Variants in KRT85 observed in about 807,000 individuals in gnomAD.
KRT85 encodes keratin 85.
In KRT85, 39 loss-of-function variants were observed where a neutral mutation model predicts 53.7. That is an observed-to-expected ratio of 0.73 (90% CI 0.56 to 0.95). The LOEUF (loss-of-function observed/expected upper bound fraction) is 0.95, where lower values mean the gene tolerates loss of function less well. Ranked by LOEUF, KRT85 falls within the 40% of genes least tolerant of loss-of-function variation. The pLI is 0.00. For synonymous variants in KRT85, 291 were observed against 277.5 expected (o/e 1.05, Z -0.48); for missense variants, 668 against 686.0 (o/e 0.97, Z 0.29).
In KRT85 at chr12:52,360,495, C is replaced by T. The variant is rs1939173019; in HGVS notation, c.*358G>A. On this transcript the variant is annotated 3_prime_UTR_variant, in exon 9 of 9. Transcript: ENST00000257901. ...GCCTGGCTGGATGGTTAGGATGGCG[C>T]CTCCACCCAGAAGGTGGAGCTTCCG... 2 of 298,548 alleles carry T rather than the reference C, an allele frequency of 6.7e-6. No homozygotes were observed. Among genetic ancestry groups the T allele is most frequent in the African/African-American group, 2.2e-5 (1 of 45,582 alleles). The allele number at this position is 298,548 out of a possible 1,614,324, so 18.5% of individuals were successfully genotyped here.
chr12:52,360,623 G>A lies in KRT85; in HGVS notation c.*230C>T, dbSNP rs1939174546. ...GAGCTAAGTAGGAGTTAAGTGAAGGGCTGGGAATGCCTCTGAAAACAGCTG... is the reference window on the plus strand; with the variant it reads ...GAGCTAAGTAGGAGTTAAGTGAAGGACTGGGAATGCCTCTGAAAACAGCTG... On this transcript the variant is annotated 3_prime_UTR_variant, in exon 9 of 9. Coordinates refer to ENST00000257901, the MANE Select transcript of KRT85 (RefSeq NM_002283.4). 9 of 595,530 alleles carry A rather than the reference G, an allele frequency of 1.5e-5. No homozygotes were observed. The allele number at this position is 595,530 out of a possible 1,614,324, so 36.9% of individuals were successfully genotyped here.
In KRT85 at chr12:52,362,878, G is replaced by T. The variant is rs770848779; in HGVS notation, c.1053C>A (p.Ala351=). The T allele has an allele frequency of 1.2e-6, 2 of 1,614,100 alleles. No homozygotes were observed. Among genetic ancestry groups the T allele is most frequent in the Non-Finnish European group, 1.7e-6 (2 of 1,180,024 alleles). Residue 351 remains alanine (A), a synonymous_variant, in exon 6 of 9, where the codon GCC becomes GCA. Coordinates refer to ENST00000257901, the MANE Select transcript of KRT85 (RefSeq NM_002283.4). The part of the protein sequence containing the change: ...ELNRMIQRLT[A]EIENAKCQRA... The stretch of plus-strand genomic sequence containing the variant: ...CCTGGCACTTGGCATTCTCAATCTC[G>T]GCCGTCAGCCTCTGGATCATGCGGT...
In KRT85 at chr12:52,360,990, G is replaced by C. The variant is rs752714720; in HGVS notation, c.1387C>G (p.Pro463Ala). The change falls in exon 9 of 9, where the codon CCA (proline) becomes GCA (alanine). Residue 463 changes from proline (P) to alanine (A), a missense_variant. Coordinates refer to ENST00000257901, the MANE Select transcript of KRT85 (RefSeq NM_002283.4). Reference protein sequence around the residue: ...SCGGLSYSTTPGRQITSGPSA... With the variant: ...SCGGLSYSTTAGRQITSGPSA... ...GGGCCAGAAGTGATCTGGCGCCCTG[G>C]GGTGGTGCTGTAGGAGAGGCCCCCA... 6.2e-7 allele frequency: 1 copy of C among 1,613,532 alleles called. No individual in the cohort carries two copies. Among genetic ancestry groups the C allele is most frequent in the Non-Finnish European group, 8.5e-7 (1 of 1,179,908 alleles).
Position 52,361,458 on chromosome 12 carries a change from G to T in KRT85, c.1330+9C>A. ...CATTTTTCCAGGAGAATTTCAGGCA[G>T]ATACTCACAGACATTCACAGAGCCC... On this transcript the variant is annotated intron_variant, in intron 8 of 8. Coordinates refer to ENST00000257901, the MANE Select transcript of KRT85 (RefSeq NM_002283.4). The T allele has an allele frequency of 6.2e-7, 1 of 1,613,760 alleles. No homozygotes were observed. Among genetic ancestry groups the T allele is most frequent in the Non-Finnish European group, 8.5e-7 (1 of 1,179,618 alleles).
intron 1 of KRT85, among the ~76,000 whole-genome samples, chr12:52,366,164 G>A (rs779956408): frequency 1.3e-5 from 2 of 152,178 alleles, no homozygotes; most frequent in Non-Finnish European, 2.9e-5. Context: ...CTGCATTAGG[G>A]GGCCTCCTCC....
chr12:52,364,370 G>A lies in KRT85; in HGVS notation c.630-4C>T. Reference sequence around the variant, plus strand: ...CAGGGCCACCTCCTCTTCATACCTGGGTGTGGGAGAGAGAAGGTCTGGAGC... The same window carrying A: ...CAGGGCCACCTCCTCTTCATACCTGAGTGTGGGAGAGAGAAGGTCTGGAGC... On this transcript the variant is annotated splice_region_variant and splice_polypyrimidine_tract_variant and intron_variant, in intron 2 of 8. Coordinates refer to ENST00000257901, the MANE Select transcript of KRT85 (RefSeq NM_002283.4). The A allele has an allele frequency of 6.2e-7, 1 of 1,614,158 alleles. No individual in the cohort carries two copies. The highest frequency in any genetic ancestry group is 1.3e-5 in the African/African-American group (1 of 75,026).
At chr12:52,365,557 C>T (rs1939259796) in intron 1 of KRT85, among the ~76,000 whole-genome samples, 1 of 152,216 alleles carries the variant, frequency 6.6e-6, no homozygotes, top group South Asian at 2.1e-4. Context: ...GTCTATTTAA[C>T]TATTATTATA....
chr12:52,362,295 G>C lies in KRT85; in HGVS notation c.1254C>G (p.Ile418Met), dbSNP rs371150354. Residue 418 changes from isoleucine to methionine, a missense_variant, in exon 7 of 9, where the codon ATC (isoleucine) becomes ATG (methionine). Around this residue, in one of 3 missense-constraint regions of KRT85, gnomAD observed 488 missense variants for 498.1 expected, o/e 0.98. Coordinates refer to ENST00000257901, the MANE Select transcript of KRT85 (RefSeq NM_002283.4). ...GCAGGCGCCTGTAGGTGGCGATCTC[G>C]ATGTCCAGGCCCAGCTTGGAGTTCA... ...EVMNSKLGLD[I>M]EIATYRRLLE... 3.1e-6 allele frequency: 5 copies of C among 1,614,164 alleles called. No homozygotes were observed. Among genetic ancestry groups the C allele is most frequent in the Non-Finnish European group, 8.5e-7 (1 of 1,180,028 alleles).
At chr12:52,366,658 C>T (rs1939275047) in intron 1 of KRT85, among the ~76,000 whole-genome samples, 2 of 145,890 alleles carry the variant, frequency 1.4e-5, no homozygotes, top group African/African-American at 5.1e-5. Context: ...CATACACACA[C>T]ATATGCTCAC....
rs778706364 is a variant in KRT85 at position 52,367,166 on chromosome 12, G to A, written c.240C>T (p.Phe80=). 2.7e-5 allele frequency: 44 copies of A among 1,613,618 alleles called. No individual in the cohort carries two copies. The South Asian group carries it at 3.6e-4, about 13-fold the overall frequency. ...CGCACACGCCCCCGGAGCGGTAGCC[G>A]AAGCTGCGTCCGCAGGAGCCGGCTC... The part of the protein sequence containing the change: ...GFRAGSCGRS[F]GYRSGGVCGP... Residue 80 remains phenylalanine, a synonymous_variant, in exon 1 of 9, where the codon TTC becomes TTT. Coordinates refer to ENST00000257901, the MANE Select transcript of KRT85 (RefSeq NM_002283.4).
In KRT85 at chr12:52,360,241, A is replaced by G. The variant is rs1047185824; in HGVS notation, c.*612T>C. 2.6e-4 allele frequency: 44 copies of G among 169,150 alleles called. No individual in the cohort carries two copies. Among genetic ancestry groups the G allele is most frequent in the African/African-American group, 9.4e-4 (39 of 41,552 alleles). The allele number at this position is 169,150 out of a possible 1,614,324, so 10.5% of individuals were successfully genotyped here. On this transcript the variant is annotated 3_prime_UTR_variant, in exon 9 of 9. Coordinates refer to ENST00000257901, the MANE Select transcript of KRT85 (RefSeq NM_002283.4). Reference sequence around the variant, plus strand: ...AAGACCTGTCCAAAGTGCCCTAACCAGGGGCTGTAGGCAAAAGGATGCCCC... The same window carrying G: ...AAGACCTGTCCAAAGTGCCCTAACCGGGGGCTGTAGGCAAAAGGATGCCCC...
intron 1 of KRT85, 92 bp downstream of exon 1, chr12:52,366,894 C>T (rs1332641800): frequency 1.7e-5 from 28 of 1,605,040 alleles, no homozygotes; most frequent in Non-Finnish European, 2.2e-5. Context: ...CTGCCTCAAA[C>T]CGGCAGCCAT....
At position 52,365,162 on chromosome 12, in the gene KRT85, G is replaced by A. The variant is rs1565769382; in HGVS notation, c.429C>T (p.Phe143=). 1 of 1,614,096 alleles carries A rather than the reference G, an allele frequency of 6.2e-7. No individual in the cohort carries two copies. Among genetic ancestry groups the A allele is most frequent in the Non-Finnish European group, 8.5e-7 (1 of 1,180,056 alleles). The change falls in exon 2 of 9, where the codon TTC becomes TTT. Residue 143 remains phenylalanine (F), a synonymous_variant. Coordinates refer to ENST00000257901, the MANE Select transcript of KRT85 (RefSeq NM_002283.4). The part of the protein sequence containing the change: ...RFAAFIDKVR[F]LEQQNKLLET... ...CCAGCAGCTTGTTCTGCTGCTCCAG[G>A]AAGCGCACCTGCCATTCAGGTGGAA...
rs555881693 is a variant in KRT85, at chr12:52,362,477, A to G, written c.1078-6T>C. The G allele has an allele frequency of 3.7e-5, 59 of 1,613,994 alleles. No individual in the cohort carries two copies. In the East Asian group the frequency reaches 1.3e-3, roughly 35 times the overall value. ...GCAGCCTCCAGCTTGGCACGCTATC[A>G]GGTGGAGATACAAGGGCCAGGATGA... On this transcript the variant is annotated splice_region_variant and splice_polypyrimidine_tract_variant and intron_variant, in intron 6 of 8. Coordinates refer to ENST00000257901, the MANE Select transcript of KRT85 (RefSeq NM_002283.4).
intron 2 of KRT85, chr12:52,364,676 A>G: frequency 7.0e-7 from 1 of 1,436,828 alleles, no homozygotes; most frequent in Non-Finnish European, 9.1e-7. Context: ...CACAGAGCCC[A>G]TGTCATAAAG....
intron 1 of KRT85, among the ~76,000 whole-genome samples, chr12:52,365,932 C>T (rs1316256675): frequency 4.6e-5 from 7 of 152,192 alleles, no homozygotes; most frequent in Non-Finnish European, 1.0e-4. Flanking sequence ...CACTCCAACC[C>T]GTCACTGTGA....
intron 4 of KRT85, among the ~76,000 whole-genome samples, 172 bp downstream of exon 4, chr12:52,363,896 A>C (rs988057034): frequency 3.9e-5 from 6 of 152,208 alleles, no homozygotes; most frequent in Non-Finnish European, 8.8e-5. Context: ...CTCACACATG[A>C]ACGTGGACAT....
intron 3 of KRT85, 53 bp downstream of exon 3, chr12:52,364,253 T>C (rs1387075811): frequency 6.2e-7 from 1 of 1,613,332 alleles, no homozygotes; most frequent in Non-Finnish European, 8.5e-7. Context: ...TGCCCCTCGC[T>C]GGAGTTTGCA....
In KRT85 at chr12:52,361,497, GC is replaced by G; in HGVS notation, c.1299del (p.Arg433SerfsTer9). 6.2e-7 allele frequency: 1 copy of G among 1,613,780 alleles called. No homozygotes were observed. Among genetic ancestry groups the G allele is most frequent in the South Asian group, 1.1e-5 (1 of 91,070 alleles). On this transcript the variant is annotated frameshift_variant and splice_region_variant, in exon 8 of 9. Transcript: ENST00000257901. LOFTEE classifies it high-confidence loss of function. ...YRRLLEGEEH[R>X]LCEGVGSVNV... is the part of the protein sequence containing the mutation. ...TTCACAGAGCCCACACCTTCACACA[GC>G]CTATGGAGAAAGAAAACTCTGTTAG...
Sources: gnomAD v4.1 joint callset for allele counts (sites outside exome capture counted in the v4.1 genomes callset) on GRCh38, gnomAD v4.1.1 for gene constraint, gnomAD v4.1.1 regional missense constraint, MANE v1.5 for transcripts, NCBI Gene and HGNC (gene_info 2026-07-23, HGNC 2026-07-21) for gene names.